The following GCDH variants were observed in gnomAD, a reference collection of about 807,000 sequenced individuals.
GCDH encodes the protein glutaryl-CoA dehydrogenase, mitochondrial.
Under a neutral mutation model 52.8 loss-of-function variants are expected in GCDH, and 31 were observed. The ratio of observed to expected loss-of-function variants is 0.59; its 90% confidence interval spans 0.44 to 0.79. GCDH has a LOEUF of 0.79. GCDH is among the 30% of genes least tolerant of loss of function. The probability of loss-of-function intolerance (pLI) is 0.00; values close to 1 mark genes in which losing one functional copy is unlikely to be tolerated. For synonymous variants in GCDH, 242 were observed against 250.0 expected, an observed-to-expected ratio of 0.97 and a Z score of 0.30; for missense variants, 509 against 595.0, an observed-to-expected ratio of 0.86 and a Z score of 1.50.
intron 3 of GCDH, 126 bp from the exon 4 acceptor site, chr19:12,891,705 A>T (rs1392298892): frequency 1.2e-6 from 2 of 1,602,744 alleles, no homozygotes; most frequent in East Asian, 2.2e-5. Flanking sequence ...TCACCTGATC[A>T]GTCTCGCTTG....
At chr19:12,898,899 G>T in intron 11 of GCDH, 2 of 213,418 alleles carry the variant, frequency 9.4e-6, no homozygotes, top group South Asian at 1.5e-4. Context: ...AGACACCAGG[G>T]CATGGGGTGT....
Position 12,897,447 on chromosome 19 carries a change from G to T in GCDH, c.1082+19G>T. 6.2e-7 allele frequency: 1 copy of T among 1,612,250 alleles called. No homozygotes were observed. Among genetic ancestry groups the T allele is most frequent in the Non-Finnish European group, 8.5e-7 (1 of 1,179,106 alleles). ...AGGACAAGTAGGGGCTGTGTGGTGG[G>T]GGCGGGGGGATGGCAGCGGTGGCTG... On this transcript the variant is annotated intron_variant, in intron 10 of 11. Coordinates refer to ENST00000222214, the MANE Select transcript of GCDH (RefSeq NM_000159.4).
chr19:12,895,380 C>CTCCCAATT (rs1389082262), intron 6 of GCDH, among the ~76,000 whole-genome samples: 5 of 152,016 alleles, frequency 3.3e-5, no homozygotes, highest in Non-Finnish European at 7.4e-5. Flanking sequence ...GTGCCTCGGC[C>CTCCCAATT]TCCCAATTAG....
rs201346843 is a variant in GCDH at position 12,897,450 on chromosome 19, C to T, written c.1082+22C>T. The stretch of plus-strand genomic sequence containing the variant: ...ACAAGTAGGGGCTGTGTGGTGGGGG[C>T]GGGGGGATGGCAGCGGTGGCTGGAG... On this transcript the variant is annotated intron_variant, in intron 10 of 11. Coordinates refer to ENST00000222214, the MANE Select transcript of GCDH (RefSeq NM_000159.4). The T allele has an allele frequency of 5.1e-3, 6,518 of 1,271,762 alleles. 18 individuals are homozygous for T. The highest frequency in any genetic ancestry group is 6.6e-3 in the Non-Finnish European group (5,893 of 886,710). 78.8% of individuals were successfully genotyped at this position (1,271,762 alleles called of 1,614,324 possible). A position where few individuals can be genotyped will look rare whatever the true frequency, so the allele number is the denominator to read the frequency against.
intron 6 of GCDH, chr19:12,894,190 G>A (rs1265281259): frequency 5.1e-6 from 8 of 1,572,354 alleles, no homozygotes; most frequent in African/African-American, 4.1e-5. Context: ...TGAAGTGGAC[G>A]ATGAACGCAA....
intron 11 of GCDH, 49 bp from the exon 12 acceptor site, chr19:12,899,419 G>A (rs1970779321): frequency 6.2e-7 from 1 of 1,614,128 alleles, no homozygotes; most frequent in Middle Eastern, 1.6e-4. Flanking sequence ...TTAAAGGGAA[G>A]TTGTGAGCTA....
In GCDH at chr19:12,896,464, G is replaced by C. The variant is rs763925824; in HGVS notation, c.852+43G>C. 1 of 1,458,292 alleles carries C rather than the reference G, an allele frequency of 6.9e-7. No individual in the cohort carries two copies. Among genetic ancestry groups the C allele is most frequent in the Non-Finnish European group, 9.5e-7 (1 of 1,051,194 alleles). The allele number at this position is 1,458,292 out of a possible 1,614,324, so 90.3% of individuals were successfully genotyped here. A position where few individuals can be genotyped will look rare whatever the true frequency, so the allele number is the denominator to read the frequency against. On this transcript the variant is annotated intron_variant, in intron 8 of 11. Transcript: ENST00000222214. The surrounding 1 kb of genome is among the most constrained non-coding windows in gnomAD (Gnocchi z 5.5). ...TGGGAATGGGTGTTGGGTCACCTGC[G>C]GATGCGGCTTTGTCAGGCAGGCTCC...
intron 6 of GCDH, 146 bp downstream of exon 6, chr19:12,893,799 T>C (rs1970613849): frequency 1.3e-6 from 1 of 753,306 alleles, no homozygotes. Flanking sequence ...ACCCTGGGCT[T>C]CACCTGGAGA....
At chr19:12,894,185 T>C (rs112632132) in intron 6 of GCDH, 19,514 of 1,575,842 alleles carry the variant, frequency 0.012, 184 homozygotes, top group Middle Eastern at 0.041. Flanking sequence ...CTCATTGAAG[T>C]GGACGATGAA....
intron 3 of GCDH, 140 bp downstream of exon 3, chr19:12,891,662 T>G (rs1599607232): frequency 1.2e-6 from 2 of 1,605,368 alleles, no homozygotes; most frequent in East Asian, 4.5e-5. Context: ...ACTAAGGCAG[T>G]GAGTGCGCTG....
chr19:12,898,565 G>A (rs1970751018), intron 11 of GCDH, among the ~76,000 whole-genome samples: 1 of 151,150 alleles, frequency 6.6e-6, no homozygotes, highest in African/African-American at 2.4e-5. Context: ...GAATGACCCT[G>A]AGGACAAGCA....
intron 3 of GCDH, 96 bp from the exon 4 acceptor site, chr19:12,891,735 G>T: frequency 1.2e-6 from 2 of 1,607,342 alleles, no homozygotes; most frequent in Non-Finnish European, 1.7e-6. Flanking sequence ...CTAGCCGGGG[G>T]GCGACATGGG....
At chr19:12,899,193 G>A (rs1464032924) in intron 11 of GCDH, 3 of 722,236 alleles carry the variant, frequency 4.2e-6, no homozygotes, top group Non-Finnish European at 7.0e-6. Context: ...CATTTTGGGA[G>A]TTCAGCACAA....
At chr19:12,893,333 A>C in intron 5 of GCDH, 150 bp from the exon 6 acceptor site, 1 of 688,400 alleles carries the variant, frequency 1.5e-6, no homozygotes, top group South Asian at 1.6e-5. Flanking sequence ...ACCCTCTGAA[A>C]GTGGCTGTGG....
Position 12,896,385 on chromosome 19 carries a change from A to C in GCDH, c.816A>C (p.Pro272=), listed in dbSNP as rs1200999678. Residue 272 remains proline (P), a synonymous_variant, in exon 8 of 12, where the codon CCA becomes CCC. Coordinates refer to ENST00000222214, the MANE Select transcript of GCDH (RefSeq NM_000159.4). This position sits in a 1 kb window ranked among gnomAD's most constrained non-coding sequence, Gnocchi z 5.5. ...TCATCATGGACGGTGTGGAGGTGCC[A>C]GAGGAGAATGTGCTCCCTGGTGCAT... The part of the protein sequence containing the change: ...GMIIMDGVEV[P]EENVLPGASS... The C allele has an allele frequency of 6.2e-7, 1 of 1,613,928 alleles. No individual in the cohort carries two copies. The highest frequency in any genetic ancestry group is 2.2e-5 in the East Asian group (1 of 44,878).
At chr19:12,894,358 C>A in intron 6 of GCDH, 1 of 765,966 alleles carries the variant, frequency 1.3e-6, no homozygotes. Context: ...TGTCCACTTG[C>A]TACTGAGTAA....
At position 12,896,408 on chromosome 19, in the gene GCDH, C is replaced by T. The variant is rs1638536720; in HGVS notation, c.839C>T (p.Ala280Val). Residue 280 changes from alanine to valine, a missense_variant, in exon 8 of 12, where the codon GCA (alanine) becomes GTA (valine). Physicochemically the swap from Ala to Val is moderately conservative, Grantham distance 64. Transcript: ENST00000222214. The surrounding 1 kb of genome is among the most constrained non-coding windows in gnomAD (Gnocchi z 5.5). ...CCAGAGGAGAATGTGCTCCCTGGTG[C>T]ATCCAGCCTGGGGGTAAGTGGCAGC... Reference protein sequence around the residue: ...EVPEENVLPGASSLGGPFGCL... With the variant: ...EVPEENVLPGVSSLGGPFGCL... The T allele has an allele frequency of 6.2e-7, 1 of 1,613,026 alleles. No homozygotes were observed. Among genetic ancestry groups the T allele is most frequent in the South Asian group, 1.1e-5 (1 of 91,004 alleles).
At chr19:12,895,243 C>T (rs1423397959) in intron 6 of GCDH, among the ~76,000 whole-genome samples, 1 of 152,038 alleles carries the variant, frequency 6.6e-6, no homozygotes, top group Non-Finnish European at 1.5e-5. Flanking sequence ...TGAGGTCTGA[C>T]TCAGGGGCGA....
chr19:12,891,431 G>C (rs1188720536), intron 2 of GCDH, 36 bp downstream of exon 2: 1 of 1,614,212 alleles, frequency 6.2e-7, no homozygotes. Context: ...GGGAAGGAGG[G>C]AGGAACTGGG....
Sources: allele counts gnomAD v4.1 joint callset (sites outside exome capture counted in the v4.1 genomes callset), GRCh38; gene constraint gnomAD v4.1.1; non-coding constraint Gnocchi (gnomAD v3.1); transcripts MANE v1.5; gene names NCBI Gene and HGNC (gene_info 2026-07-23, HGNC 2026-07-21).